The following SYN3 variants were observed in gnomAD, a reference collection of about 807,000 sequenced individuals.
SYN3 encodes synapsin-3.
Under a neutral mutation model 65.8 loss-of-function variants are expected in SYN3, and 35 were observed. The observed-to-expected ratio is 0.53, with a 90% CI of 0.41 to 0.70. The LOEUF (loss-of-function observed/expected upper bound fraction) is 0.70. Among genes scored for constraint, SYN3 ranks in the 30% least tolerant of loss-of-function variants. SYN3 has a pLI of 0.00. For synonymous variants in SYN3, 270 were observed against 292.9 expected (o/e 0.92, Z 0.80); for missense variants, 680 against 749.0 (o/e 0.91, Z 1.08).
At chr22:32,991,520 G>T (rs1239518612) in intron 2 of SYN3, among the ~76,000 whole-genome samples, 1 of 152,182 alleles carries the variant, frequency 6.6e-6, no homozygotes, top group East Asian at 1.9e-4. Flanking sequence ...CGGTTCTCAC[G>T]CCCAACACAG....
At chr22:32,716,523 T>A (rs905231843) in intron 6 of SYN3, among the ~76,000 whole-genome samples, 7 of 151,882 alleles carry the variant, frequency 4.6e-5, no homozygotes, top group Non-Finnish European at 8.8e-5. Context: ...AATAATAACA[T>A]AGCTGTTATT....
chr22:32,676,000 T>C (rs1278651499), intron 6 of SYN3, among the ~76,000 whole-genome samples: 1 of 152,146 alleles, frequency 6.6e-6, no homozygotes, highest in African/African-American at 2.4e-5. Context: ...AAACTGTCAT[T>C]GTGTGGTCAA....
chr22:32,544,910 A>G (rs2058314071), intron 7 of SYN3, among the ~76,000 whole-genome samples: 1 of 152,194 alleles, frequency 6.6e-6, no homozygotes, highest in South Asian at 2.1e-4. Flanking sequence ...AGCTGTCCAC[A>G]GCATCATTTT....
chr22:32,596,736 C>A lies in SYN3; in HGVS notation c.712G>T (p.Val238Phe). 1.2e-6 allele frequency: 2 copies of A among 1,613,780 alleles called. No individual in the cohort carries two copies. The highest frequency in any genetic ancestry group is 4.5e-5 in the East Asian group (2 of 44,860). ...ACCACCGGGAAGTGTGGGGCTGTGA[C>A]CTGAAAGAGACAAGAAGAAGTCACT... is the stretch of plus-strand genomic sequence containing the variant. ...QTFFPNHKPM[V>F]TAPHFPVVVK... Residue 238 changes from valine (V) to phenylalanine (F), a missense_variant and splice_region_variant, in exon 7 of 14, where the codon GTC (valine) becomes TTC (phenylalanine). Transcript: ENST00000358763.
chr22:32,509,714 G>A lies in SYN3; in HGVS notation c.*3978C>T, dbSNP rs1211302723. 3.3e-5 allele frequency among the ~76,000 whole-genome samples: 5 copies of A among 151,904 alleles called. No individual in the cohort carries two copies. The highest frequency in any genetic ancestry group is 4.8e-5 in the African/African-American group (2 of 41,320). ...CTCCCTAGTAGCTGGGACTACAGGC[G>A]CCCGCTACCACGCCCGGCTAATTTT... On this transcript the variant is annotated 3_prime_UTR_variant, in exon 14 of 14. Transcript: ENST00000358763.
intron 6 of SYN3, among the ~76,000 whole-genome samples, chr22:32,672,674 CT>C (rs1286204077): frequency 1.3e-5 from 2 of 152,196 alleles, no homozygotes; most frequent in African/African-American, 2.4e-5. Context: ...TGGCACCTTC[CT>C]GCGTGGGAAC....
chr22:32,933,656 T>A (rs939909249), intron 3 of SYN3, among the ~76,000 whole-genome samples: 1 of 152,138 alleles, frequency 6.6e-6, no homozygotes, highest in Admixed American at 6.6e-5. Flanking sequence ...GCCAGGCTGG[T>A]CTTGAACTCC....
intron 6 of SYN3, among the ~76,000 whole-genome samples, chr22:32,670,078 C>T (rs978026893): frequency 6.6e-6 from 1 of 152,182 alleles, no homozygotes; most frequent in Admixed American, 6.5e-5. Context: ...AAACTTGTAT[C>T]ATGTTTAAGG....
intron 7 of SYN3, among the ~76,000 whole-genome samples, chr22:32,554,955 T>C (rs1156578436): frequency 1.3e-5 from 2 of 152,240 alleles, no homozygotes; most frequent in African/African-American, 4.8e-5. Context: ...GAGCATTCAA[T>C]GAGATACTAC....
intron 7 of SYN3, among the ~76,000 whole-genome samples, chr22:32,591,238 A>T (rs1207753203): frequency 6.6e-6 from 1 of 152,210 alleles, no homozygotes; most frequent in African/African-American, 2.4e-5. Flanking sequence ...CTGCATTTAA[A>T]AAAAAAAACT....
At chr22:32,951,432 C>T (rs1163534906) in intron 3 of SYN3, among the ~76,000 whole-genome samples, 1 of 152,194 alleles carries the variant, frequency 6.6e-6, no homozygotes, top group Non-Finnish European at 1.5e-5. Context: ...CCCTACGTGA[C>T]ATAAAGATTT....
intron 6 of SYN3, among the ~76,000 whole-genome samples, chr22:32,762,872 A>G (rs867627483): frequency 2.6e-5 from 4 of 152,124 alleles, no homozygotes; most frequent in Middle Eastern, 6.8e-3. Flanking sequence ...GAGAATGCAC[A>G]GGGAAGAGCT....
At chr22:33,015,430 A>G (rs2053447300) in intron 1 of SYN3, 5 of 313,598 alleles carry the variant, frequency 1.6e-5, no homozygotes, top group Non-Finnish European at 3.2e-5. Flanking sequence ...GCTATGAAAC[A>G]ACGCTGTTAT....
At chr22:32,806,578 C>G (rs1238689096) in intron 6 of SYN3, among the ~76,000 whole-genome samples, 1 of 152,188 alleles carries the variant, frequency 6.6e-6, no homozygotes, top group African/African-American at 2.4e-5. Context: ...ACTCCTTCCT[C>G]TGGGGCTTGT....
intron 6 of SYN3, among the ~76,000 whole-genome samples, chr22:32,733,085 C>T (rs1304537847): frequency 6.6e-6 from 1 of 152,172 alleles, no homozygotes; most frequent in Non-Finnish European, 1.5e-5. Context: ...CCCTGGAGCA[C>T]TTGGAGAATT....
chr22:32,671,016 G>A (rs1298284570), intron 6 of SYN3, among the ~76,000 whole-genome samples: 2 of 152,158 alleles, frequency 1.3e-5, no homozygotes, highest in East Asian at 1.9e-4. Flanking sequence ...CAAGAGACGC[G>A]GATTCTAGCC....
intron 6 of SYN3, among the ~76,000 whole-genome samples, chr22:32,719,512 C>G (rs773120014): frequency 1.3e-5 from 2 of 152,174 alleles, no homozygotes; most frequent in African/African-American, 2.4e-5. Flanking sequence ...CATCCAAATG[C>G]CCAGCATATA....
intron 6 of SYN3, among the ~76,000 whole-genome samples, chr22:32,724,470 C>A (rs1354547354): frequency 2.0e-5 from 3 of 152,170 alleles, no homozygotes; most frequent in Non-Finnish European, 4.4e-5. Flanking sequence ...AGTTACCTAA[C>A]CTTTCTGTGC....
intron 6 of SYN3, among the ~76,000 whole-genome samples, chr22:32,775,700 A>C (rs2145798896): frequency 1.5e-5 from 1 of 67,786 alleles, no homozygotes; most frequent in East Asian, 3.3e-4. Flanking sequence ...ACATTCTGCC[A>C]CTTCCTGGCC....
Sources: gnomAD v4.1 joint callset for allele counts (sites outside exome capture counted in the v4.1 genomes callset) on GRCh38, gnomAD v4.1.1 for gene constraint, MANE v1.5 for transcripts, NCBI Gene and HGNC (gene_info 2026-07-23, HGNC 2026-07-21) for gene names.